Variants in KDM6A observed in about 807,000 individuals in gnomAD.
KDM6A encodes lysine-specific demethylase 6A.
In KDM6A, 11 loss-of-function variants were observed where a neutral mutation model predicts 117.6. That is an observed-to-expected ratio of 0.09 (90% CI 0.06 to 0.15). The LOEUF (loss-of-function observed/expected upper bound fraction) is 0.15. KDM6A is among the 10% of genes least tolerant of loss of function. The pLI is 1.00. For synonymous variants in KDM6A, 384 were observed against 396.1 expected (o/e 0.97, Z 0.36); for missense variants, 799 against 1,077.3 (o/e 0.74, Z 3.62).
At chrX:44,963,247 A>C (rs2147182752) in intron 3 of KDM6A, among the ~76,000 whole-genome samples, 1 of 110,137 alleles carries the variant, frequency 9.1e-6, no homozygotes, top group Admixed American at 9.7e-5. Context: ...GGATTACTTG[A>C]GCCCAGGAGT....
At chrX:44,940,518 A>G (rs183924199) in intron 2 of KDM6A, among the ~76,000 whole-genome samples, 3 of 111,869 alleles carry the variant, frequency 2.7e-5, no homozygotes, top group Non-Finnish European at 5.6e-5. Context: ...CTCAAATTTG[A>G]TCATTGGCAG....
intron 2 of KDM6A, among the ~76,000 whole-genome samples, chrX:44,942,416 G>T (rs1218359629): frequency 9.0e-6 from 1 of 110,625 alleles, no homozygotes; most frequent in Non-Finnish European, 1.9e-5. Flanking sequence ...TGGGTTCTCT[G>T]TCTTCTGTTG....
intron 2 of KDM6A, among the ~76,000 whole-genome samples, chrX:44,881,374 A>G (rs973243365): frequency 1.6e-4 from 18 of 111,853 alleles, no homozygotes; most frequent in African/African-American, 5.5e-4. Context: ...TGGAGATTGC[A>G]GTGAGCCGAG....
At chrX:45,035,959 A>G (rs2042794294) in intron 7 of KDM6A, among the ~76,000 whole-genome samples, 1 of 111,437 alleles carries the variant, frequency 9.0e-6, no homozygotes, top group Admixed American at 9.6e-5. Flanking sequence ...TCGGCCTCCC[A>G]AAGTTCTGGG....
intron 6 of KDM6A, among the ~76,000 whole-genome samples, chrX:45,025,931 T>G (rs886333202): frequency 9.0e-6 from 1 of 111,634 alleles, no homozygotes; most frequent in African/African-American, 3.3e-5. Flanking sequence ...GTGAAAGGGA[T>G]AGGAAGATGA....
chrX:44,956,315 A>T (rs912592091), intron 2 of KDM6A, among the ~76,000 whole-genome samples: 1 of 111,771 alleles, frequency 8.9e-6, no homozygotes, highest in Non-Finnish European at 1.9e-5. Flanking sequence ...TGCTGTTGAT[A>T]TGTATAATAT....
chrX:44,988,125 C>G (rs757592999), intron 4 of KDM6A, among the ~76,000 whole-genome samples: 1 of 111,719 alleles, frequency 9.0e-6, no homozygotes, highest in South Asian at 3.7e-4. Context: ...TCTTTTTTCT[C>G]TAAACTTCTC....
chrX:45,007,890 T>C (rs986532837), intron 4 of KDM6A, among the ~76,000 whole-genome samples: 2 of 112,240 alleles, frequency 1.8e-5, no homozygotes, highest in Non-Finnish European at 3.8e-5. Flanking sequence ...TGAAGCCCTC[T>C]ACCACCACAT....
chrX:44,884,543 AT>A (rs1569342386), intron 2 of KDM6A, among the ~76,000 whole-genome samples: 1 of 111,798 alleles, frequency 8.9e-6, no homozygotes, highest in Non-Finnish European at 1.9e-5. Context: ...AGACTATTGC[AT>A]TTTGTGTTAG....
rs2148304350 is a variant in KDM6A at position 45,110,068 on chromosome X, G to A, written c.4162-11G>A. ...TCTCTATTGAATACGTTTTTCTCTTGTATAAAACAGGTGGAGGTTTTTGAT... is the reference window on the plus strand; with the variant it reads ...TCTCTATTGAATACGTTTTTCTCTTATATAAAACAGGTGGAGGTTTTTGAT... On this transcript the variant is annotated splice_polypyrimidine_tract_variant and intron_variant, in intron 28 of 29. Transcript: ENST00000611820. The A allele has an allele frequency of 8.3e-7, 1 of 1,202,879 alleles. No individual in the cohort carries two copies. Among genetic ancestry groups the A allele is most frequent in the Non-Finnish European group, 1.1e-6 (1 of 887,831 alleles).
At chrX:45,051,850 T>G in intron 9 of KDM6A, 48 bp downstream of exon 9, 3 of 739,543 alleles carry the variant, frequency 4.1e-6, no homozygotes, top group Non-Finnish European at 4.2e-6. Context: ...TCTCTTTATG[T>G]TTTTTCCATG....
intron 2 of KDM6A, among the ~76,000 whole-genome samples, chrX:44,949,486 T>TAA (rs749100037): frequency 0.043 from 4,279 of 98,371 alleles, 218 homozygotes; most frequent in African/African-American, 0.2. Flanking sequence ...GTTTTTTTTT[T>TAA]TTAAAGCACT....
chrX:44,989,254 C>T (rs756778859), intron 4 of KDM6A, among the ~76,000 whole-genome samples: 23 of 100,770 alleles, frequency 2.3e-4, no homozygotes, highest in Admixed American at 1.6e-3. Context: ...GTTGGAAAAG[C>T]GCAGTATTAG....
chrX:45,002,190 A>G (rs1044204888), intron 4 of KDM6A, among the ~76,000 whole-genome samples: 2 of 110,199 alleles, frequency 1.8e-5, no homozygotes, highest in African/African-American at 6.6e-5. Flanking sequence ...TGCTTCCTGT[A>G]TGATTTTTAT....
At chrX:44,920,438 A>AT (rs1201427718) in intron 2 of KDM6A, among the ~76,000 whole-genome samples, 6 of 106,247 alleles carry the variant, frequency 5.6e-5, no homozygotes, top group African/African-American at 1.4e-4. Context: ...TTTTACTTTT[A>AT]TTTTATTTTT....
chrX:45,044,164 C>CTGTATAATGTCACACATTAT (rs1277570054), intron 8 of KDM6A, among the ~76,000 whole-genome samples: 3 of 112,133 alleles, frequency 2.7e-5, no homozygotes, highest in African/African-American at 9.7e-5. Context: ...TGTTAAGTGA[C>CTGTATAATGTCACACATTAT]ACATGACTGT....
At chrX:44,994,442 C>T (rs752996085) in intron 4 of KDM6A, among the ~76,000 whole-genome samples, 11 of 111,995 alleles carry the variant, frequency 9.8e-5, no homozygotes, top group Non-Finnish European at 1.7e-4. Flanking sequence ...ACAGAATTTC[C>T]TTCTTTTAAA....
chrX:44,946,976 T>G (rs1212525887), intron 2 of KDM6A, among the ~76,000 whole-genome samples: 1 of 112,301 alleles, frequency 8.9e-6, no homozygotes, highest in African/African-American at 3.2e-5. Context: ...TTTTCTGTCT[T>G]TTTTAAGTCT....
At chrX:45,005,093 G>A (rs1232465220) in intron 4 of KDM6A, among the ~76,000 whole-genome samples, 1 of 111,165 alleles carries the variant, frequency 9.0e-6, no homozygotes, top group African/African-American at 3.3e-5. Flanking sequence ...AGGGAAATGG[G>A]AAATTCTGAA....
Sources: gnomAD v4.1 joint callset for allele counts (sites outside exome capture counted in the v4.1 genomes callset) on GRCh38, gnomAD v4.1.1 for gene constraint, MANE v1.5 for transcripts, NCBI Gene and HGNC (gene_info 2026-07-23, HGNC 2026-07-21) for gene names.